The following GALM variants were observed in gnomAD, a reference collection of about 807,000 sequenced individuals.
GALM encodes galactose mutarotase, also known as aldose 1-epimerase.
GALM carries 43 observed loss-of-function variants against 37.4 expected under a neutral mutation model. The observed-to-expected ratio is 1.15, with a 90% confidence interval of 0.90 to 1.48. The LOEUF (loss-of-function observed/expected upper bound fraction) is 1.48, where lower values mean the gene tolerates loss of function less well. Among genes scored for constraint, GALM ranks in the 40% most tolerant of loss-of-function variants. The pLI, the probability that GALM is intolerant of heterozygous loss-of-function variation, is 0.00. For missense variants in GALM, 456 were observed against 419.1 expected (o/e 1.09, Z -0.77); for synonymous variants, 199 against 170.6 (o/e 1.17, Z -1.30).
chr2:38,666,375 T>G, intron 1 of GALM, 24 bp downstream of exon 1: 2 of 1,575,150 alleles, frequency 1.3e-6, no homozygotes, highest in Non-Finnish European at 1.7e-6. Context: ...TGCCCTGGGC[T>G]GCGAGCAGGC....
chr2:38,718,725 G>A (rs1382960413), intron 4 of GALM, among the ~76,000 whole-genome samples: 2 of 151,784 alleles, frequency 1.3e-5, no homozygotes, highest in Non-Finnish European at 2.9e-5. Flanking sequence ...AGATGGGCTA[G>A]AAAGAGGATC....
intron 6 of GALM, among the ~76,000 whole-genome samples, chr2:38,732,943 AGGTGC>A (rs1487600330): frequency 2.1e-4 from 30 of 145,898 alleles, no homozygotes; most frequent in Non-Finnish European, 3.9e-4. Context: ...AAAAAGGGCC[AGGTGC>A]GGTGGCTCAC....
At chr2:38,680,464 A>T (rs894010055) in intron 2 of GALM, among the ~76,000 whole-genome samples, 1 of 152,216 alleles carries the variant, frequency 6.6e-6, no homozygotes, top group African/African-American at 2.4e-5. Flanking sequence ...CTAGAGTCAC[A>T]CAATGAGCTA....
At chr2:38,685,547 C>A (rs962584725) in intron 3 of GALM, among the ~76,000 whole-genome samples, 1 of 152,166 alleles carries the variant, frequency 6.6e-6, no homozygotes, top group African/African-American at 2.4e-5. Flanking sequence ...AAAACAAACA[C>A]TGAACCCAGA....
At chr2:38,673,364 A>G (rs1345426648) in intron 1 of GALM, among the ~76,000 whole-genome samples, 2 of 152,238 alleles carry the variant, frequency 1.3e-5, no homozygotes, top group South Asian at 4.1e-4. Flanking sequence ...AATCTTGGTA[A>G]TAATACAGAA....
intron 2 of GALM, among the ~76,000 whole-genome samples, chr2:38,678,840 T>A (rs1665323836): frequency 6.6e-6 from 1 of 152,168 alleles, no homozygotes; most frequent in African/African-American, 2.4e-5. Context: ...GCTATTATCT[T>A]TCAAGTCCAT....
chr2:38,682,005 G>GT (rs1453692220), intron 3 of GALM, among the ~76,000 whole-genome samples: 3 of 152,170 alleles, frequency 2.0e-5, no homozygotes, highest in Non-Finnish European at 4.4e-5. Context: ...AGAAGACCTG[G>GT]TTTTTTTAGC....
chr2:38,686,298 C>G (rs1183907043), intron 3 of GALM, among the ~76,000 whole-genome samples: 1 of 111,624 alleles, frequency 9.0e-6, no homozygotes, highest in Non-Finnish European at 1.9e-5. Context: ...TGGAGTCTCG[C>G]TCTGTCTCCC....
intron 4 of GALM, among the ~76,000 whole-genome samples, chr2:38,728,261 G>C (rs936378543): frequency 4.6e-5 from 7 of 151,782 alleles, no homozygotes; most frequent in African/African-American, 1.7e-4. Flanking sequence ...GGGCGTGGTG[G>C]TGTGTGCCTG....
intron 5 of GALM, among the ~76,000 whole-genome samples, chr2:38,731,278 G>A (rs927712133): frequency 1.3e-5 from 2 of 151,534 alleles, no homozygotes; most frequent in Non-Finnish European, 2.9e-5. Context: ...CGCACCTGCA[G>A]TCCCAGCTAC....
intron 1 of GALM, among the ~76,000 whole-genome samples, chr2:38,670,278 A>T (rs932119747): frequency 6.6e-6 from 1 of 152,210 alleles, no homozygotes; most frequent in African/African-American, 2.4e-5. Flanking sequence ...CCATACAATC[A>T]TTGAAACGCC....
intron 1 of GALM, among the ~76,000 whole-genome samples, chr2:38,670,502 T>A (rs1665073257): frequency 6.6e-6 from 1 of 152,184 alleles, no homozygotes; most frequent in African/African-American, 2.4e-5. Flanking sequence ...AAATTCCTGG[T>A]TTAAAGTTCT....
At chr2:38,712,585 G>A (rs1049265133) in intron 4 of GALM, among the ~76,000 whole-genome samples, 16 of 152,134 alleles carry the variant, frequency 1.1e-4, no homozygotes, top group Non-Finnish European at 2.2e-4. Context: ...TCCCAGAGGC[G>A]ATAATGACCA....
At chr2:38,686,267 T>TTTCTTTC (rs1665526687) in intron 3 of GALM, among the ~76,000 whole-genome samples, 1 of 94,274 alleles carries the variant, frequency 1.1e-5, no homozygotes, top group African/African-American at 5.0e-5. Flanking sequence ...TTTCTTTCTT[T>TTTCTTTC]CTTTCTTTCT....
intron 3 of GALM, among the ~76,000 whole-genome samples, chr2:38,688,214 A>T (rs954972823): frequency 3.3e-5 from 5 of 149,984 alleles, no homozygotes; most frequent in Non-Finnish European, 5.9e-5. Flanking sequence ...TCCGTCTCAA[A>T]AAAAAAAAAA....
chr2:38,705,410 C>T (rs1207951108), intron 4 of GALM, among the ~76,000 whole-genome samples: 1 of 152,190 alleles, frequency 6.6e-6, no homozygotes, highest in African/African-American at 2.4e-5. Flanking sequence ...AACACTGTCT[C>T]TGCCCTTGAG....
chr2:38,671,062 C>T (rs556282177), intron 1 of GALM, among the ~76,000 whole-genome samples: 1 of 147,878 alleles, frequency 6.8e-6, no homozygotes, highest in East Asian at 2.2e-4. Flanking sequence ...AATTTATTCT[C>T]GCCAGTGCCT....
At chr2:38,729,364 T>TTTAA (rs1185087457) in intron 4 of GALM, among the ~76,000 whole-genome samples, 192 bp from the exon 5 acceptor site, 7 of 151,656 alleles carry the variant, frequency 4.6e-5, no homozygotes, top group African/African-American at 1.5e-4. Flanking sequence ...ATTTTTTACA[T>TTTAA]TTATTTATTT....
intron 2 of GALM, among the ~76,000 whole-genome samples, chr2:38,679,881 A>C (rs145917696): frequency 1.5e-3 from 233 of 152,324 alleles, no homozygotes; most frequent in African/African-American, 5.2e-3. Context: ...CTTGACTCAT[A>C]ATGGGCACCC....
Sources: allele counts gnomAD v4.1 joint callset (sites outside exome capture counted in the v4.1 genomes callset), GRCh38; gene constraint gnomAD v4.1.1; transcripts MANE v1.5; gene names NCBI Gene and HGNC (gene_info 2026-07-23, HGNC 2026-07-21).